Variants in CACNA1E observed in about 807,000 individuals in gnomAD.
The protein encoded by CACNA1E is calcium voltage-gated channel subunit alpha1 E.
In CACNA1E, 40 loss-of-function variants were observed where a neutral mutation model predicts 259.2. The observed-to-expected ratio is 0.15, with a 90% CI of 0.12 to 0.20. CACNA1E has a LOEUF of 0.20. CACNA1E is among the 10% of genes least tolerant of loss of function. CACNA1E has a pLI of 1.00. For missense variants in CACNA1E, 1,874 were observed against 3,040.1 expected, an observed-to-expected ratio of 0.62 and a Z score of 9.02; for synonymous variants, 1,104 against 1,138.5, an observed-to-expected ratio of 0.97 and a Z score of 0.61.
intron 7 of CACNA1E, among the ~76,000 whole-genome samples, chr1:181,656,293 C>T (rs886496298): frequency 7.9e-5 from 12 of 152,142 alleles, no homozygotes; most frequent in Non-Finnish European, 1.3e-4. Flanking sequence ...GAAGACCTTC[C>T]AGTGGGACAA....
intron 3 of CACNA1E, among the ~76,000 whole-genome samples, chr1:181,518,493 A>T (rs1221251292): frequency 1.3e-5 from 2 of 152,196 alleles, no homozygotes; most frequent in Non-Finnish European, 2.9e-5. Flanking sequence ...ATAAGGTTAG[A>T]ATATAGGATT....
intron 3 of CACNA1E, among the ~76,000 whole-genome samples, chr1:181,544,288 G>T (rs536182279): frequency 6.6e-6 from 1 of 152,240 alleles, no homozygotes; most frequent in Non-Finnish European, 1.5e-5. Flanking sequence ...GTTACGAAAG[G>T]CTGGTAGAAG....
chr1:181,518,007 C>T (rs74130016), intron 3 of CACNA1E, among the ~76,000 whole-genome samples: 12,164 of 151,968 alleles, frequency 0.08, 1,650 homozygotes, highest in African/African-American at 0.28. Context: ...GTGAGCCTGG[C>T]GGGACCTCAG....
chr1:181,763,460 C>T lies in CACNA1E; in HGVS notation c.4744C>T (p.Arg1582Cys), dbSNP rs1365641463. ...MSFLKLFRAA[R>C]LIKLLRQGYT... The stretch of plus-strand genomic sequence containing the variant: ...CTTTCTGAAGCTCTTCCGAGCTGCC[C>T]GCCTCATAAAGCTCCTGCGTCAGGG... Residue 1582 changes from arginine to cysteine, a missense_variant, in exon 34 of 48, where the codon CGC becomes TGC. By Grantham distance (180) the Arg-to-Cys change is radical (BLOSUM62 -3). Transcript: ENST00000367573. 6.2e-7 allele frequency: 1 copy of T among 1,606,066 alleles called. No individual in the cohort carries two copies.
At chr1:181,503,655 A>G (rs1219838233) in intron 1 of CACNA1E, among the ~76,000 whole-genome samples, 1 of 152,226 alleles carries the variant, frequency 6.6e-6, no homozygotes, top group Admixed American at 6.5e-5. Flanking sequence ...GTAGATGCTG[A>G]AAGATTGAGT....
At chr1:181,722,695 T>C (rs545777194) in intron 16 of CACNA1E, among the ~76,000 whole-genome samples, 10 of 152,208 alleles carry the variant, frequency 6.6e-5, no homozygotes, top group Admixed American at 6.5e-5. Flanking sequence ...ATACAACTGT[T>C]AGATGCTTTT....
At chr1:181,344,510 A>G (rs1468235734) in intron 1 of CACNA1E, among the ~76,000 whole-genome samples, 1 of 152,216 alleles carries the variant, frequency 6.6e-6, no homozygotes, top group East Asian at 1.9e-4. Context: ...AGGAGGAGGC[A>G]AGGAAAGAGA....
Position 181,732,225 on chromosome 1 carries a change from G to A in CACNA1E, c.2298-159G>A, listed in dbSNP as rs1162918391. Among the ~76,000 whole-genome samples, 2 of 152,114 alleles carry A rather than the reference G, an allele frequency of 1.3e-5. No individual in the cohort carries two copies. The highest frequency in any genetic ancestry group is 2.9e-5 in the Non-Finnish European group (2 of 68,008). On this transcript the variant is annotated intron_variant, in intron 19 of 47. Transcript: ENST00000367573. The surrounding 1 kb of genome is among the most constrained non-coding windows in gnomAD (Gnocchi z 5.5). ...CTGATGAGCTCCTCACGTGTGGCCC[G>A]CCTGCTCCTCGCATCTTTCTGTGCT... is the stretch of plus-strand genomic sequence containing the variant.
At chr1:181,515,976 C>A (rs903687797) in intron 3 of CACNA1E, among the ~76,000 whole-genome samples, 2 of 152,256 alleles carry the variant, frequency 1.3e-5, no homozygotes, top group Middle Eastern at 3.4e-3. Context: ...CAGCCTTCCC[C>A]CTTGGCCTGG....
chr1:181,668,244 G>A (rs2102180019), intron 7 of CACNA1E, among the ~76,000 whole-genome samples: 2 of 152,330 alleles, frequency 1.3e-5, no homozygotes, highest in Middle Eastern at 6.8e-3. Flanking sequence ...TCATAGGATA[G>A]AAAACTTTTT....
In CACNA1E at chr1:181,758,510, C is replaced by G. The variant is rs1414192189; in HGVS notation, c.4495-248C>G. 6.6e-6 allele frequency among the ~76,000 whole-genome samples: 1 copy of G among 152,096 alleles called. No individual in the cohort carries two copies. Among genetic ancestry groups the G allele is most frequent in the Admixed American group, 6.6e-5 (1 of 15,258 alleles). ...TAGAAAATGTTTCTTCCCTGCCCACCCTCATCTCTAGGAAGACTGGCTGTT... is the reference window on the plus strand; with the variant it reads ...TAGAAAATGTTTCTTCCCTGCCCACGCTCATCTCTAGGAAGACTGGCTGTT... On this transcript the variant is annotated intron_variant, in intron 31 of 47. Coordinates refer to ENST00000367573, the MANE Select transcript of CACNA1E (RefSeq NM_001205293.3). The surrounding 1 kb of genome is among the most constrained non-coding windows in gnomAD (Gnocchi z 4.2).
chr1:181,680,593 G>A (rs1004810550), intron 7 of CACNA1E, among the ~76,000 whole-genome samples: 4 of 152,074 alleles, frequency 2.6e-5, no homozygotes, highest in East Asian at 1.9e-4. Context: ...CTCCGGAAAC[G>A]AAGAGCCAAA....
intron 2 of CACNA1E, among the ~76,000 whole-genome samples, chr1:181,420,109 C>G (rs527807575): frequency 5.3e-5 from 8 of 152,268 alleles, no homozygotes; most frequent in Admixed American, 6.5e-5. Context: ...ACTGCTTATA[C>G]AGGTGAAAGC....
intron 3 of CACNA1E, among the ~76,000 whole-genome samples, chr1:181,513,394 A>G (rs1369072468): frequency 3.9e-5 from 6 of 152,258 alleles, no homozygotes; most frequent in Non-Finnish European, 8.8e-5. Flanking sequence ...ATGACTGATC[A>G]GCAGTTTGTT....
At chr1:181,448,610 C>T (rs1322316613) in intron 2 of CACNA1E, among the ~76,000 whole-genome samples, 1 of 152,234 alleles carries the variant, frequency 6.6e-6, no homozygotes, top group Admixed American at 6.5e-5. Context: ...TTACTCATTT[C>T]CCCTACTCCA....
At chr1:181,372,844 G>T (rs746695511) in intron 1 of CACNA1E, among the ~76,000 whole-genome samples, 2 of 148,626 alleles carry the variant, frequency 1.3e-5, no homozygotes, top group Non-Finnish European at 3.0e-5. Flanking sequence ...TTTTTAACAT[G>T]AAGGGATATT....
At chr1:181,354,566 A>G (rs1006208352) in intron 1 of CACNA1E, among the ~76,000 whole-genome samples, 2 of 152,202 alleles carry the variant, frequency 1.3e-5, no homozygotes, top group Non-Finnish European at 2.9e-5. Flanking sequence ...AAGGGTCTTA[A>G]TTAGAGATTC....
intron 2 of CACNA1E, among the ~76,000 whole-genome samples, chr1:181,478,265 C>T (rs1662994064): frequency 6.6e-6 from 1 of 152,164 alleles, no homozygotes; most frequent in African/African-American, 2.4e-5. Flanking sequence ...CTTTGCTGAC[C>T]TGTGGTTAGC....
At chr1:181,521,084 C>T (rs1666960287) in intron 3 of CACNA1E, among the ~76,000 whole-genome samples, 1 of 152,240 alleles carries the variant, frequency 6.6e-6, no homozygotes, top group Admixed American at 6.5e-5. Flanking sequence ...ACTCTTCTGT[C>T]AGTTGCCTGG....
Sources: allele counts gnomAD v4.1 joint callset (sites outside exome capture counted in the v4.1 genomes callset), GRCh38; gene constraint gnomAD v4.1.1; non-coding constraint Gnocchi (gnomAD v3.1); transcripts MANE v1.5; gene names NCBI Gene and HGNC (gene_info 2026-07-23, HGNC 2026-07-21).